The following PARPBP variants were observed in gnomAD, a reference collection of about 807,000 sequenced individuals.
PARPBP encodes PCNA-interacting partner.
In PARPBP, 52 loss-of-function variants were observed where a neutral mutation model predicts 50.0. The observed-to-expected ratio is 1.04, with a 90% CI of 0.83 to 1.31. The LOEUF (loss-of-function observed/expected upper bound fraction) is 1.31. Among genes scored for constraint, PARPBP ranks in the 50% most tolerant of loss-of-function variants. The pLI, the probability that PARPBP is intolerant of heterozygous loss-of-function variation, is 0.00. For missense variants in PARPBP, 697 were observed against 672.0 expected, an observed-to-expected ratio of 1.04 and a Z score of -0.41; for synonymous variants, 244 against 232.1, an observed-to-expected ratio of 1.05 and a Z score of -0.47.
intron 2 of PARPBP, among the ~76,000 whole-genome samples, chr12:102,142,782 C>T (rs531269511): frequency 7.9e-5 from 12 of 152,342 alleles, no homozygotes; most frequent in African/African-American, 2.6e-4. Context: ...GCCTGGGTAT[C>T]ACCAGTGGAG....
chr12:102,126,151 C>T (rs1201775420), intron 2 of PARPBP, among the ~76,000 whole-genome samples: 2 of 152,072 alleles, frequency 1.3e-5, no homozygotes, highest in East Asian at 1.9e-4. Flanking sequence ...CTTTATGTGG[C>T]GGGGTGAGCA....
chr12:102,157,633 C>T (rs1887102523), intron 4 of PARPBP, among the ~76,000 whole-genome samples: 1 of 152,056 alleles, frequency 6.6e-6, no homozygotes, highest in African/African-American at 2.4e-5. Flanking sequence ...TATTGGGAAA[C>T]AAACTCAGGT....
At chr12:102,158,176 A>G (rs1331827152) in intron 4 of PARPBP, among the ~76,000 whole-genome samples, 1 of 150,844 alleles carries the variant, frequency 6.6e-6, no homozygotes, top group Non-Finnish European at 1.5e-5. Flanking sequence ...TTATGTCTTT[A>G]CATTAATTAC....
rs1888072096 is a variant in PARPBP at position 102,165,725 on chromosome 12, A to G, written c.667-4A>G. On this transcript the variant is annotated splice_polypyrimidine_tract_variant and splice_region_variant and intron_variant, in intron 5 of 10. Transcript: ENST00000327680. ...ATAACTTATCCGTTTGTTTTAATTC[A>G]TAGGTGGCCACGTCTTTTATTAGAA... The G allele has an allele frequency of 1.3e-6, 2 of 1,598,104 alleles. No homozygotes were observed. Among genetic ancestry groups the G allele is most frequent in the African/African-American group, 1.3e-5 (1 of 74,252 alleles).
chr12:102,188,621 G>A (rs1017991058), intron 9 of PARPBP, among the ~76,000 whole-genome samples: 5 of 152,036 alleles, frequency 3.3e-5, no homozygotes, highest in African/African-American at 7.2e-5. Context: ...GCAATATCCA[G>A]CATGAAATAA....
At chr12:102,194,965 A>G (rs1239905355) in intron 9 of PARPBP, among the ~76,000 whole-genome samples, 1 of 151,422 alleles carries the variant, frequency 6.6e-6, no homozygotes, top group Non-Finnish European at 1.5e-5. Context: ...TATCACCTGT[A>G]TTGTTATTTT....
intron 9 of PARPBP, among the ~76,000 whole-genome samples, chr12:102,193,546 C>T (rs1459580928): frequency 6.6e-6 from 1 of 151,870 alleles, no homozygotes; most frequent in Non-Finnish European, 1.5e-5. Context: ...TTATAATTCT[C>T]TATAAGCCAT....
intron 1 of PARPBP, among the ~76,000 whole-genome samples, chr12:102,123,320 A>G (rs958460152): frequency 2.6e-5 from 4 of 152,180 alleles, no homozygotes; most frequent in African/African-American, 7.2e-5. Context: ...ATTCAGGCCT[A>G]TTGTATTAGT....
intron 2 of PARPBP, among the ~76,000 whole-genome samples, chr12:102,142,356 C>T (rs1196890074): frequency 2.0e-5 from 3 of 152,214 alleles, no homozygotes; most frequent in Admixed American, 6.5e-5. Context: ...AAGGTATTCT[C>T]TACCCTGTTT....
chr12:102,164,455 G>A lies in PARPBP; in HGVS notation c.513G>A (p.Arg171=), dbSNP rs1302396626. 4 of 1,612,106 alleles carry A rather than the reference G, an allele frequency of 2.5e-6. No homozygotes were observed. In the African/African-American group the frequency reaches 5.3e-5, roughly 22 times the overall value. The part of the protein sequence containing the change: ...RDNEKVQLLA[R]KIIFSYLNLL... ...TTGCACAGGTGCAGCTGCTAGCAAG[G>A]AAAATTATCTTTTCATATTTAAATC... Residue 171 remains arginine, a synonymous_variant, in exon 5 of 11, where the codon AGG becomes AGA. Transcript: ENST00000327680.
intron 2 of PARPBP, among the ~76,000 whole-genome samples, chr12:102,144,365 G>A (rs1000003553): frequency 6.6e-6 from 1 of 152,058 alleles, no homozygotes; most frequent in Non-Finnish European, 1.5e-5. Context: ...TGAACATTTT[G>A]AACTTCCTTC....
At chr12:102,185,232 A>T (rs978379313) in intron 9 of PARPBP, among the ~76,000 whole-genome samples, 1 of 152,190 alleles carries the variant, frequency 6.6e-6, no homozygotes, top group Non-Finnish European at 1.5e-5. Context: ...AGAGGTTTTT[A>T]TCATGAAAGG....
At chr12:102,142,327 C>T (rs1884733162) in intron 2 of PARPBP, among the ~76,000 whole-genome samples, 1 of 152,214 alleles carries the variant, frequency 6.6e-6, no homozygotes, top group African/African-American at 2.4e-5. Flanking sequence ...CCATGGTTTT[C>T]AGCTCCATCA....
chr12:102,148,470 AT>A lies in PARPBP; in HGVS notation c.387+13del, dbSNP rs751621123. 10 of 1,086,012 alleles carry A rather than the reference AT, an allele frequency of 9.2e-6. No homozygotes were observed. The Admixed American group carries it at 1.7e-4, about 18-fold the overall frequency. The allele number at this position is 1,086,012 out of a possible 1,614,324, so 67.3% of individuals were successfully genotyped here. On this transcript the variant is annotated splice_region_variant and intron_variant, in intron 3 of 10. Transcript: ENST00000327680. ...TTATAACACAGTATCTCCTGTAAGTATTTTTTAAACAATTCTATTTTAATCA... is the reference window on the plus strand; with the variant it reads ...TTATAACACAGTATCTCCTGTAAGTATTTTTAAACAATTCTATTTTAATCA...
At chr12:102,140,200 G>A (rs147037490) in intron 2 of PARPBP, among the ~76,000 whole-genome samples, 595 of 152,242 alleles carry the variant, frequency 3.9e-3, no homozygotes, top group African/African-American at 0.014. Flanking sequence ...CTTCTTCCTG[G>A]TTTAGTCTTG....
intron 8 of PARPBP, among the ~76,000 whole-genome samples, chr12:102,181,809 T>C (rs745385092): frequency 1.6e-4 from 24 of 152,314 alleles, no homozygotes; most frequent in Non-Finnish European, 3.2e-4. Flanking sequence ...CTCATAGTTC[T>C]GGAGTCTGGA....
At chr12:102,142,880 T>A (rs1295177777) in intron 2 of PARPBP, among the ~76,000 whole-genome samples, 2 of 152,182 alleles carry the variant, frequency 1.3e-5, no homozygotes, top group Admixed American at 6.5e-5. Flanking sequence ...CACCCGGCCG[T>A]ATGAGGTGTC....
At chr12:102,168,158 T>A (rs958030290) in intron 6 of PARPBP, among the ~76,000 whole-genome samples, 1 of 152,176 alleles carries the variant, frequency 6.6e-6, no homozygotes, top group South Asian at 2.1e-4. Context: ...ATGGAAACTT[T>A]TTTGTTTTTT....
chr12:102,148,837 T>C (rs1049319282), intron 3 of PARPBP: 1 of 169,862 alleles, frequency 5.9e-6, no homozygotes, highest in African/African-American at 2.4e-5. Context: ...AAATGATTGG[T>C]GTGACTTTTT....
Sources: gnomAD v4.1 joint callset for allele counts (sites outside exome capture counted in the v4.1 genomes callset) on GRCh38, gnomAD v4.1.1 for gene constraint, MANE v1.5 for transcripts, NCBI Gene and HGNC (gene_info 2026-07-23, HGNC 2026-07-21) for gene names.